The following UPP1 variants were observed in gnomAD, a reference collection of about 807,000 sequenced individuals.
The protein encoded by UPP1 is UPase 1.
Under a neutral mutation model 29.6 loss-of-function variants are expected in UPP1, and 25 were observed. The ratio of observed to expected loss-of-function variants is 0.85; its 90% CI spans 0.62 to 1.18. The LOEUF (loss-of-function observed/expected upper bound fraction) is 1.18, where lower values mean the gene tolerates loss of function less well. UPP1 is among the 50% of genes most tolerant of loss of function. UPP1 has a pLI of 0.00. For missense variants in UPP1, 368 were observed against 410.4 expected, an observed-to-expected ratio of 0.90 and a Z score of 0.89; for synonymous variants, 165 against 159.8, an observed-to-expected ratio of 1.03 and a Z score of -0.25.
In UPP1 at chr7:48,107,480, G is replaced by T; in HGVS notation, c.766G>T (p.Ala256Ser). The change falls in exon 8 of 9, where the codon GCC becomes TCC. Residue 256 changes from alanine (A) to serine (S), a missense_variant. By Grantham distance (99) the Ala-to-Ser change is moderately conservative. Transcript: ENST00000395564. The part of the protein sequence containing the change: ...NIEMESSVFA[A>S]MCSACGLQAA... ...CGAGATGGAGTCCTCGGTGTTTGCC[G>T]CCATGTGCAGCGCCTGCGGCCTCCA... The T allele has an allele frequency of 6.2e-7, 1 of 1,613,126 alleles. No homozygotes were observed. Among genetic ancestry groups the T allele is most frequent in the Non-Finnish European group, 8.5e-7 (1 of 1,179,310 alleles).
intron 6 of UPP1, chr7:48,104,859 T>C (rs1353010684): frequency 1.3e-5 from 2 of 152,246 alleles, no homozygotes; most frequent in Non-Finnish European, 2.9e-5. Context: ...GTTCTTGCTC[T>C]GGAGTGATTT....
At chr7:48,093,097 G>A (rs1455187635) in intron 2 of UPP1, among the ~76,000 whole-genome samples, 1 of 152,136 alleles carries the variant, frequency 6.6e-6, no homozygotes, top group Non-Finnish European at 1.5e-5. Context: ...TCCTTAGCTG[G>A]ACTGCAGTAG....
At chr7:48,101,226 T>G (rs978296346) in intron 4 of UPP1, among the ~76,000 whole-genome samples, 1 of 152,054 alleles carries the variant, frequency 6.6e-6, no homozygotes, top group Non-Finnish European at 1.5e-5. Context: ...CTTTAAAAAC[T>G]TACTCACTTA....
At chr7:48,099,904 A>C in intron 4 of UPP1, 117 bp downstream of exon 4, 1 of 720,388 alleles carries the variant, frequency 1.4e-6, no homozygotes. Context: ...GTTTATGAAG[A>C]CATAATGTTT....
chr7:48,098,082 C>T (rs1340132250), intron 3 of UPP1, among the ~76,000 whole-genome samples: 2 of 152,182 alleles, frequency 1.3e-5, no homozygotes, highest in East Asian at 1.9e-4. Flanking sequence ...CTAGTGCAGT[C>T]AGCAGAGTCC....
intron 5 of UPP1, among the ~76,000 whole-genome samples, chr7:48,102,521 T>C (rs1428587225): frequency 1.3e-5 from 2 of 152,204 alleles, no homozygotes; most frequent in Non-Finnish European, 2.9e-5. Flanking sequence ...TGTTGAGATG[T>C]GCACCCCTAC....
intron 4 of UPP1, among the ~76,000 whole-genome samples, chr7:48,100,445 T>TA (rs1343408876): frequency 2.0e-5 from 3 of 152,232 alleles, no homozygotes; most frequent in Non-Finnish European, 4.4e-5. Flanking sequence ...AAGCAAAGGA[T>TA]AGTAAATAAA....
At chr7:48,096,845 A>G (rs1479426134) in intron 3 of UPP1, among the ~76,000 whole-genome samples, 1 of 151,854 alleles carries the variant, frequency 6.6e-6, no homozygotes, top group South Asian at 2.1e-4. Context: ...GACTACAGGC[A>G]TGCACCACCA....
At chr7:48,092,694 CTGTT>C in intron 2 of UPP1, among the ~76,000 whole-genome samples, 1 of 151,360 alleles carries the variant, frequency 6.6e-6, no homozygotes, top group Non-Finnish European at 1.5e-5. Context: ...GAGTGAGACC[CTGTT>C]TGTTTCTTTT....
intron 3 of UPP1, among the ~76,000 whole-genome samples, chr7:48,098,863 G>A (rs1792268142): frequency 6.6e-6 from 1 of 152,150 alleles, no homozygotes; most frequent in African/African-American, 2.4e-5. Context: ...TGGCTCTAAG[G>A]GACTTCGACA....
chr7:48,090,838 G>A (rs1791789500), intron 2 of UPP1, among the ~76,000 whole-genome samples: 1 of 152,114 alleles, frequency 6.6e-6, no homozygotes, highest in African/African-American at 2.4e-5. Flanking sequence ...CATCACCGCA[G>A]ACCGTTTTAA....
At chr7:48,101,554 T>TA (rs367989158) in intron 4 of UPP1, among the ~76,000 whole-genome samples, 62 of 152,236 alleles carry the variant, frequency 4.1e-4, no homozygotes, top group African/African-American at 1.2e-3. Flanking sequence ...GACCTGGAAT[T>TA]ACCTCCTCAG....
chr7:48,107,004 C>T lies in UPP1; in HGVS notation c.568C>T (p.Leu190=). The T allele has an allele frequency of 6.8e-6, 11 of 1,612,962 alleles. No individual in the cohort carries two copies. Among genetic ancestry groups the T allele is most frequent in the Non-Finnish European group, 9.3e-6 (11 of 1,179,954 alleles). ...TDLNKKLVQE[L]LLCSAELSEF... ...CCTTAACAAGAAGCTGGTGCAGGAG[C>T]TGTTGCTGTGTTCTGCAGAGCTGAG... is the stretch of plus-strand genomic sequence containing the variant. Residue 190 remains leucine, a synonymous_variant, in exon 7 of 9, where the codon CTG becomes TTG. Coordinates refer to ENST00000395564, the MANE Select transcript of UPP1 (RefSeq NM_003364.4).
chr7:48,090,491 CCT>C (rs1170696782), intron 2 of UPP1, 127 bp downstream of exon 2: 1 of 152,458 alleles, frequency 6.6e-6, no homozygotes, highest in Non-Finnish European at 1.5e-5. Flanking sequence ...CTTCTCCATC[CCT>C]GTTTCCTTTC....
intron 5 of UPP1, 86 bp downstream of exon 5, chr7:48,102,068 C>T (rs1047728193): frequency 7.0e-7 from 1 of 1,430,970 alleles, no homozygotes; most frequent in East Asian, 2.4e-5. Context: ...ACAGCTGGTC[C>T]CCTAACACCT....
chr7:48,108,282 T>C lies in UPP1; in HGVS notation c.858T>C (p.Asn286=), dbSNP rs566815638. ...LEGDQISSPR[N]VLSEYQQRPQ... Reference sequence around the variant, plus strand: ...GGGACCAGATCAGCAGCCCTCGCAATGTGCTCAGCGAGTACCAGCAGAGGC... The same window carrying C: ...GGGACCAGATCAGCAGCCCTCGCAACGTGCTCAGCGAGTACCAGCAGAGGC... The change falls in exon 9 of 9, where the codon AAT becomes AAC. Residue 286 remains asparagine (N), a synonymous_variant. Coordinates refer to ENST00000395564, the MANE Select transcript of UPP1 (RefSeq NM_003364.4). 7 of 1,614,108 alleles carry C rather than the reference T, an allele frequency of 4.3e-6. No homozygotes were observed. The Admixed American group carries it at 1.0e-4, about 23-fold the overall frequency.
intron 3 of UPP1, among the ~76,000 whole-genome samples, chr7:48,097,465 C>T (rs1161161162): frequency 6.6e-6 from 1 of 152,156 alleles, no homozygotes; most frequent in East Asian, 1.9e-4. Context: ...AATTCCTGGG[C>T]TCAAGTGATC....
At position 48,094,929 on chromosome 7, in the gene UPP1, A is replaced by C. The variant is rs376091901; in HGVS notation, c.44+102A>C. 9 of 1,330,868 alleles carry C rather than the reference A, an allele frequency of 6.8e-6. No homozygotes were observed. The East Asian group carries it at 9.9e-5, about 15-fold the overall frequency. 82.4% of individuals were successfully genotyped at this position (1,330,868 alleles called of 1,614,324 possible). A position where few individuals can be genotyped will look rare whatever the true frequency, so the allele number is the denominator to read the frequency against. ...TTCTAAGGACTTGACATATATTAAC[A>C]CATTTGATGCTTGTGAAAGAGACTG... On this transcript the variant is annotated intron_variant, in intron 3 of 8. Coordinates refer to ENST00000395564, the MANE Select transcript of UPP1 (RefSeq NM_003364.4).
In UPP1 at chr7:48,099,658, G is replaced by GT. The variant is rs756873071; in HGVS notation, c.45-6dup. 6.3e-6 allele frequency: 10 copies of GT among 1,585,574 alleles called. No homozygotes were observed. The highest frequency in any genetic ancestry group is 1.7e-4 in the Middle Eastern group (1 of 6,012). ...TGTTCTATAAGCCTTCCACTTTCTT[G>GT]TTTTTTAACAGTGATTGCCCCGTCA... On this transcript the variant is annotated splice_polypyrimidine_tract_variant and intron_variant, in intron 3 of 8. Coordinates refer to ENST00000395564, the MANE Select transcript of UPP1 (RefSeq NM_003364.4).
Sources: gnomAD v4.1 joint callset for allele counts (sites outside exome capture counted in the v4.1 genomes callset) on GRCh38, gnomAD v4.1.1 for gene constraint, MANE v1.5 for transcripts, NCBI Gene and HGNC (gene_info 2026-07-23, HGNC 2026-07-21) for gene names.